The following KSR1 variants were observed in gnomAD, a reference collection of about 807,000 sequenced individuals.
KSR1 encodes kinase suppressor of ras.
KSR1 carries 35 observed loss-of-function variants against 92.9 expected under a neutral mutation model. The ratio of observed to expected loss-of-function variants is 0.38; its 90% CI spans 0.29 to 0.50. KSR1 has a LOEUF of 0.50. KSR1 is among the 20% of genes least tolerant of loss of function. The pLI, the probability that KSR1 is intolerant of heterozygous loss-of-function variation, is 0.94. For missense variants in KSR1, 972 were observed against 1,158.5 expected, an observed-to-expected ratio of 0.84 and a Z score of 2.34; for synonymous variants, 467 against 472.6, an observed-to-expected ratio of 0.99 and a Z score of 0.15.
intron 4 of KSR1, among the ~76,000 whole-genome samples, chr17:27,583,622 C>T (rs1474026695): frequency 2.0e-5 from 3 of 152,214 alleles, no homozygotes; most frequent in African/African-American, 4.8e-5. Flanking sequence ...TTTGCCCACA[C>T]GCCCAGGAGG....
chr17:27,597,298 T>G lies in KSR1; in HGVS notation c.1330T>G (p.Ser444Ala). Residue 444 changes from serine (S) to alanine (A), a missense_variant, in exon 10 of 21, where the codon TCC (serine) becomes GCC (alanine). Coordinates refer to ENST00000644974, the MANE Select transcript of KSR1 (RefSeq NM_001394583.1). Reference sequence around the variant, plus strand: ...CCCTCCGGCCATGAATCACCTGGACTCCAGCAGCAACCCTTCCTCCACCAC... The same window carrying G: ...CCCTCCGGCCATGAATCACCTGGACGCCAGCAGCAACCCTTCCTCCACCAC... Reference protein sequence around the residue: ...EHPPAMNHLDSSSNPSSTTSS... With the variant: ...EHPPAMNHLDASSNPSSTTSS... The G allele has an allele frequency of 6.2e-7, 1 of 1,602,814 alleles. No homozygotes were observed. Among genetic ancestry groups the G allele is most frequent in the Non-Finnish European group, 8.5e-7 (1 of 1,174,784 alleles).
chr17:27,468,481 G>A (rs2019818211), intron 1 of KSR1, among the ~76,000 whole-genome samples: 1 of 151,998 alleles, frequency 6.6e-6, no homozygotes, highest in African/African-American at 2.4e-5. Context: ...TACCCACTTT[G>A]GCCTCCCAAA....
chr17:27,558,696 GTTTTTTGT>G (rs1345862730), intron 2 of KSR1, among the ~76,000 whole-genome samples: 1 of 109,120 alleles, frequency 9.2e-6, no homozygotes, highest in Non-Finnish European at 2.0e-5. Context: ...CTGTCTTTCT[GTTTTTTGT>G]TTTTTTTTTT....
chr17:27,602,376 A>G (rs1175101536), intron 11 of KSR1, among the ~76,000 whole-genome samples: 3 of 152,220 alleles, frequency 2.0e-5, no homozygotes, highest in Non-Finnish European at 4.4e-5. Flanking sequence ...TCCCCTGGTT[A>G]CTAGCTCTAG....
At chr17:27,536,228 T>C (rs568136300) in intron 1 of KSR1, among the ~76,000 whole-genome samples, 2 of 152,310 alleles carry the variant, frequency 1.3e-5, no homozygotes, top group African/African-American at 4.8e-5. Flanking sequence ...CACCAAGTCC[T>C]AGTAAATTGA....
intron 1 of KSR1, among the ~76,000 whole-genome samples, chr17:27,533,539 A>G (rs1254874769): frequency 6.6e-6 from 1 of 152,052 alleles, no homozygotes; most frequent in Non-Finnish European, 1.5e-5. Flanking sequence ...GCACACCACC[A>G]TGCCCAGCTA....
At chr17:27,600,245 G>C (rs757097219) in intron 10 of KSR1, among the ~76,000 whole-genome samples, 20 of 152,082 alleles carry the variant, frequency 1.3e-4, no homozygotes, top group Non-Finnish European at 2.4e-4. Context: ...GACCAGCCTG[G>C]CCAACATAGT....
chr17:27,565,381 C>A (rs2072022310), intron 2 of KSR1, among the ~76,000 whole-genome samples: 2 of 152,180 alleles, frequency 1.3e-5, no homozygotes, highest in Admixed American at 6.5e-5. Flanking sequence ...GGAGGCAGTG[C>A]TTTTATCCTC....
chr17:27,622,150 G>C (rs1032514245), intron 20 of KSR1: 37 of 588,338 alleles, frequency 6.3e-5, no homozygotes, highest in Non-Finnish European at 9.7e-5. Flanking sequence ...CCAAGTAACT[G>C]CTCTCAGAGG....
Position 27,577,667 on chromosome 17 carries a change from T to C in KSR1, c.520+28T>C. 6.6e-7 allele frequency: 1 copy of C among 1,508,046 alleles called. No individual in the cohort carries two copies. The highest frequency in any genetic ancestry group is 8.9e-7 in the Non-Finnish European group (1 of 1,120,210). The allele number at this position is 1,508,046 out of a possible 1,614,324, so 93.4% of individuals were successfully genotyped here. On this transcript the variant is annotated intron_variant, in intron 3 of 20. Coordinates refer to ENST00000644974, the MANE Select transcript of KSR1 (RefSeq NM_001394583.1). The surrounding 1 kb of genome is among the most constrained non-coding windows in gnomAD (Gnocchi z 4.5). ...ACGTGGGGCCTGCCACCCTCTCCCTTGCCTGGCCTGGTGCCCTTGGGGCTG... is the reference window on the plus strand; with the variant it reads ...ACGTGGGGCCTGCCACCCTCTCCCTCGCCTGGCCTGGTGCCCTTGGGGCTG...
At chr17:27,602,101 C>CTGT in intron 11 of KSR1, 1 of 620,420 alleles carries the variant, frequency 1.6e-6, no homozygotes, top group Non-Finnish European at 2.9e-6. Flanking sequence ...GTGTTTAAAA[C>CTGT]AAAGACTGTA....
intron 2 of KSR1, among the ~76,000 whole-genome samples, chr17:27,563,043 T>A (rs2071896912): frequency 6.6e-6 from 1 of 151,174 alleles, no homozygotes; most frequent in African/African-American, 2.4e-5. Flanking sequence ...CAAATCCTAC[T>A]GGCTCTATGT....
rs547050629 is a variant in KSR1, at chr17:27,530,144, C to T, written c.232-20424C>T. On this transcript the variant is annotated intron_variant, in intron 1 of 20. Coordinates refer to ENST00000644974, the MANE Select transcript of KSR1 (RefSeq NM_001394583.1). Reference sequence around the variant, plus strand: ...CTTTCCGCATCTTTGCCTTTGGAATCAGTGAGGTTTTGCTCCATCTAAAGA... The same window carrying T: ...CTTTCCGCATCTTTGCCTTTGGAATTAGTGAGGTTTTGCTCCATCTAAAGA... Among the ~76,000 whole-genome samples, 3 of 152,204 alleles carry T rather than the reference C, an allele frequency of 2.0e-5. No homozygotes were observed. In the South Asian group the frequency reaches 6.2e-4, roughly 31 times the overall value.
intron 2 of KSR1, among the ~76,000 whole-genome samples, chr17:27,556,124 A>G (rs1422789870): frequency 3.9e-5 from 6 of 152,270 alleles, no homozygotes; most frequent in African/African-American, 1.4e-4. Context: ...AAAAAAACCT[A>G]GAAGTGAACT....
At chr17:27,574,223 G>A (rs2072420219) in intron 2 of KSR1, among the ~76,000 whole-genome samples, 1 of 152,228 alleles carries the variant, frequency 6.6e-6, no homozygotes, top group African/African-American at 2.4e-5. Flanking sequence ...TGAGGGCAAA[G>A]ATATCCAAAC....
intron 1 of KSR1, among the ~76,000 whole-genome samples, chr17:27,526,094 T>TCTCTC (rs2070282517): frequency 5.9e-5 from 7 of 118,398 alleles, no homozygotes; most frequent in African/African-American, 2.2e-4. Context: ...CTTTCTTTCT[T>TCTCTC]TCTCTCTCTC....
At chr17:27,575,977 CTTCACG>C (rs2072489451) in intron 2 of KSR1, among the ~76,000 whole-genome samples, 1 of 152,210 alleles carries the variant, frequency 6.6e-6, no homozygotes, top group Admixed American at 6.5e-5. Context: ...GAAGAATCCA[CTTCACG>C]TTCATTCAGG....
Position 27,582,797 on chromosome 17 carries a change from C to T in KSR1, c.672C>T (p.Gly224=), listed in dbSNP as rs774110490. 129 of 1,613,456 alleles carry T rather than the reference C, an allele frequency of 8.0e-5. No homozygotes were observed. Among genetic ancestry groups the T allele is most frequent in the Middle Eastern group, 1.7e-4 (1 of 6,056 alleles). The change falls in exon 4 of 21, where the codon GGC becomes GGT. Residue 224 remains glycine, a synonymous_variant. Transcript: ENST00000644974. ...GCAGAGCAGGCAACAGCGCCCAGGGCCCACGCTCCATCTCCGTGTCAGCTC... is the reference window on the plus strand; with the variant it reads ...GCAGAGCAGGCAACAGCGCCCAGGGTCCACGCTCCATCTCCGTGTCAGCTC... ...QLGRAGNSAQ[G]PRSISVSALP... is the part of the protein sequence containing the mutation.
intron 2 of KSR1, 56 bp downstream of exon 2, chr17:27,550,764 C>A (rs2071369623): frequency 1.4e-6 from 1 of 737,158 alleles, no homozygotes; most frequent in Non-Finnish European, 2.5e-6. Flanking sequence ...GCAGAGGGAA[C>A]ACACACAAAC....
Sources: allele counts gnomAD v4.1 joint callset (sites outside exome capture counted in the v4.1 genomes callset), GRCh38; gene constraint gnomAD v4.1.1; non-coding constraint Gnocchi (gnomAD v3.1); transcripts MANE v1.5; gene names NCBI Gene and HGNC (gene_info 2026-07-23, HGNC 2026-07-21).